Variants in BBOF1 observed in about 807,000 individuals in gnomAD.
BBOF1 encodes the protein basal body orientation factor 1.
BBOF1 carries 62 observed loss-of-function variants against 68.0 expected under a neutral mutation model. The ratio of observed to expected loss-of-function variants is 0.91; its 90% CI spans 0.74 to 1.13. The LOEUF is 1.13. Among genes scored for constraint, BBOF1 ranks in the 50% most tolerant of loss-of-function variants. BBOF1 has a pLI of 0.00. For missense variants in BBOF1, 534 were observed against 600.1 expected (o/e 0.89, Z 1.15); for synonymous variants, 208 against 198.8 (o/e 1.05, Z -0.39).
intron 9 of BBOF1, chr14:74,071,782 A>G: frequency 6.8e-7 from 1 of 1,480,006 alleles, no homozygotes; most frequent in Non-Finnish European, 9.4e-7. Context: ...TAAAAAAGAT[A>G]TCATGGGATG....
Position 74,066,085 on chromosome 14 carries a change from C to G in BBOF1, c.*1386C>G, listed in dbSNP as rs1315225792. ...CAAAGTTTTGATAAATAAAAATTGA[C>G]AAGTCAATTATTTTTGTCACTTTCA... On this transcript the variant is annotated 3_prime_UTR_variant, in exon 12 of 12. Transcript: ENST00000394009. 1 of 153,964 alleles carries G rather than the reference C, an allele frequency of 6.5e-6. No individual in the cohort carries two copies. Among genetic ancestry groups the G allele is most frequent in the African/African-American group, 2.4e-5 (1 of 41,354 alleles). 9.5% of individuals were successfully genotyped at this position (153,964 alleles called of 1,614,324 possible).
chr14:74,022,976 G>T lies in BBOF1; in HGVS notation c.117G>T (p.Trp39Cys), dbSNP rs763051654. The T allele has an allele frequency of 9.9e-6, 16 of 1,613,298 alleles. No individual in the cohort carries two copies. In the Admixed American group the frequency reaches 2.5e-4, roughly 25 times the overall value. The change falls in exon 2 of 12, where the codon TGG (tryptophan) becomes TGT (cysteine). Residue 39 changes from tryptophan (W) to cysteine (C), a missense_variant. Coordinates refer to ENST00000394009, the MANE Select transcript of BBOF1 (RefSeq NM_025057.3). ...VDRAKANASL[W>C]EARLEVTELS... ...GAGCCAAGGCCAATGCCTCCCTTTG[G>T]GAGGCCAGGTTGGAAGTCACAGAAC...
In BBOF1 at chr14:74,074,275, C is replaced by G; in HGVS notation, n.1380-3921C>G. Among the ~76,000 whole-genome samples the G allele has an allele frequency of 1.4e-5, 2 of 147,874 alleles. 1 individual carries two copies. The highest frequency in any genetic ancestry group is 4.3e-4 in the South Asian group (2 of 4,610). On this transcript the variant is annotated intron_variant and non_coding_transcript_variant, in intron 9 of 12. Transcript: ENST00000492026. The stretch of plus-strand genomic sequence containing the variant: ...TACAGGGGTGAGCCACTGCGCCCGG[C>G]CCCTTTCACTAAATTTTTTTTTTTT...
intron 5 of BBOF1, among the ~76,000 whole-genome samples, chr14:74,044,800 C>T (rs2059913250): frequency 6.6e-6 from 1 of 152,094 alleles, no homozygotes; most frequent in Non-Finnish European, 1.5e-5. Context: ...TGGTAGGTGC[C>T]TGTAATCCCA....
chr14:74,077,347 G>C (rs895971491), intron 9 of BBOF1, among the ~76,000 whole-genome samples: 5 of 152,062 alleles, frequency 3.3e-5, no homozygotes, highest in Non-Finnish European at 5.9e-5. Flanking sequence ...GTAATTGTTT[G>C]GTATCTTATT....
At chr14:74,047,156 G>GTAT (rs2059968377) in intron 6 of BBOF1, among the ~76,000 whole-genome samples, 1 of 152,124 alleles carries the variant, frequency 6.6e-6, no homozygotes, top group African/African-American at 2.4e-5. Context: ...AATCTTGCAG[G>GTAT]GTTGTCATGA....
At chr14:74,043,525 C>A (rs2059877336) in intron 5 of BBOF1, among the ~76,000 whole-genome samples, 1 of 134,804 alleles carries the variant, frequency 7.4e-6, no homozygotes, top group African/African-American at 2.8e-5. Flanking sequence ...AGTCCGCAGT[C>A]CGGCCTGGGC....
chr14:74,071,926 C>T, intron 9 of BBOF1: 1 of 1,614,228 alleles, frequency 6.2e-7, no homozygotes, highest in African/African-American at 1.3e-5. Flanking sequence ...CCTTCAGCAT[C>T]AGCTAGGGTC....
At chr14:74,037,383 C>T (rs2059731149) in intron 4 of BBOF1, among the ~76,000 whole-genome samples, 1 of 149,526 alleles carries the variant, frequency 6.7e-6, no homozygotes, top group African/African-American at 2.5e-5. Context: ...CCTCTACTTC[C>T]CTGGGCTCAA....
chr14:74,042,143 G>C (rs1235069843), intron 5 of BBOF1, among the ~76,000 whole-genome samples: 2 of 152,172 alleles, frequency 1.3e-5, no homozygotes, highest in Non-Finnish European at 2.9e-5. Flanking sequence ...CCAAAGTGTT[G>C]GGATCACAGG....
At chr14:74,067,997 T>TAAA (rs35503985), downstream of BBOF1, among the ~76,000 whole-genome samples, 19,501 of 132,662 alleles carry the variant, frequency 0.15, 1,911 homozygotes, top group East Asian at 0.58. Context: ...AGAGCAATGT[T>TAAA]AAAAAAAAAA....
At chr14:74,057,506 A>G in intron 11 of BBOF1, 1 of 1,385,254 alleles carries the variant, frequency 7.2e-7, no homozygotes, top group East Asian at 3.0e-5. Context: ...CTTTTGAAGT[A>G]AACAGCCTAG....
chr14:74,076,762 C>G (rs930327926), intron 9 of BBOF1, among the ~76,000 whole-genome samples: 1 of 152,126 alleles, frequency 6.6e-6, no homozygotes, highest in Admixed American at 6.6e-5. Flanking sequence ...GTTGGCCTGG[C>G]TGGTCTCAAA....
chr14:74,057,174 C>T lies in BBOF1; in HGVS notation c.1494C>T (p.Phe498=), dbSNP rs763575412. ...GDESKLQDKI[F]ITQQIAISDS... ...AAAGTAAGCTTCAAGATAAAATCTT[C>T]ATCACCCAGCAAATTGCAATATCAG... is the stretch of plus-strand genomic sequence containing the variant. Residue 498 remains phenylalanine, a synonymous_variant, in exon 11 of 12, where the codon TTC becomes TTT. Coordinates refer to ENST00000394009, the MANE Select transcript of BBOF1 (RefSeq NM_025057.3). The T allele has an allele frequency of 1.4e-5, 22 of 1,613,238 alleles. No individual in the cohort carries two copies. Among genetic ancestry groups the T allele is most frequent in the Non-Finnish European group, 1.8e-5 (21 of 1,179,478 alleles).
intron 6 of BBOF1, 55 bp downstream of exon 6, chr14:74,046,185 G>T: frequency 6.9e-7 from 1 of 1,449,738 alleles, no homozygotes; most frequent in Non-Finnish European, 9.4e-7. Context: ...CCTCTTTGCT[G>T]GTCTCTTTTC....
chr14:74,039,942 T>G (rs1184309511), intron 4 of BBOF1, among the ~76,000 whole-genome samples: 1 of 152,158 alleles, frequency 6.6e-6, no homozygotes, highest in African/African-American at 2.4e-5. Flanking sequence ...TATAAACTTG[T>G]ATGTTGATAC....
chr14:74,078,616 C>T (rs1185835832), intron 10 of BBOF1, among the ~76,000 whole-genome samples: 1 of 152,208 alleles, frequency 6.6e-6, no homozygotes, highest in African/African-American at 2.4e-5. Context: ...CAACCTCCAC[C>T]TCCCGGGTTC....
At chr14:74,063,809 T>C (rs1469251755) in intron 11 of BBOF1, among the ~76,000 whole-genome samples, 1 of 147,886 alleles carries the variant, frequency 6.8e-6, no homozygotes, top group African/African-American at 2.5e-5. Flanking sequence ...GAGGTTGCAG[T>C]GAGCCAAGAT....
At chr14:74,071,054 C>T (rs1255041997), downstream of BBOF1, 5 of 891,094 alleles carry the variant, frequency 5.6e-6, no homozygotes, top group Non-Finnish European at 9.1e-6. Context: ...ATGGCAAAAT[C>T]ATCAACAAAC....
Sources: allele counts gnomAD v4.1 joint callset (sites outside exome capture counted in the v4.1 genomes callset), GRCh38; gene constraint gnomAD v4.1.1; transcripts MANE v1.5; gene names NCBI Gene and HGNC (gene_info 2026-07-23, HGNC 2026-07-21).